UST: variants seen among roughly 807,000 people sequenced by gnomAD.
UST encodes the protein uronyl 2-sulfotransferase.
A neutral mutation model predicts 45.6 loss-of-function variants in UST; 21 were observed. That is an observed-to-expected ratio of 0.46 (90% CI 0.33 to 0.66). The LOEUF (loss-of-function observed/expected upper bound fraction) is 0.66, where lower values mean the gene tolerates loss of function less well. Ranked by LOEUF, UST falls within the 30% of genes least tolerant of loss-of-function variation. The probability of loss-of-function intolerance (pLI) is 0.02; values close to 1 mark genes in which losing one functional copy is unlikely to be tolerated. For missense variants in UST, 463 were observed against 512.4 expected, an observed-to-expected ratio of 0.90 and a Z score of 0.93; for synonymous variants, 215 against 200.6, an observed-to-expected ratio of 1.07 and a Z score of -0.61.
intron 5 of UST, among the ~76,000 whole-genome samples, chr6:148,997,047 G>A (rs1385612057): frequency 6.6e-6 from 1 of 152,216 alleles, no homozygotes; most frequent in East Asian, 1.9e-4. Context: ...CCAGTAGGAA[G>A]GCTTGCAGCC....
intron 1 of UST, among the ~76,000 whole-genome samples, chr6:148,829,183 ATGG>A (rs1777635073): frequency 6.6e-6 from 1 of 151,482 alleles, no homozygotes; most frequent in South Asian, 2.1e-4. Flanking sequence ...GGATGGATGG[ATGG>A]ATGGATTTTA....
intron 7 of UST, among the ~76,000 whole-genome samples, chr6:149,058,345 ATGTGTGTGTGTGTG>A (rs56994081): frequency 1.1e-3 from 130 of 119,818 alleles, no homozygotes; most frequent in African/African-American, 3.5e-3. Flanking sequence ...AAGGAGGAGC[ATGTGTGTGTGTGTG>A]TGTGTGTGTG....
intron 5 of UST, among the ~76,000 whole-genome samples, chr6:149,013,539 G>GA (rs917558087): frequency 1.3e-5 from 2 of 150,970 alleles, no homozygotes; most frequent in East Asian, 1.9e-4. Flanking sequence ...AAAAAAAAGA[G>GA]AAAAAAAAAG....
intron 3 of UST, among the ~76,000 whole-genome samples, chr6:148,943,075 G>A (rs1780161017): frequency 6.6e-6 from 1 of 152,152 alleles, no homozygotes. Flanking sequence ...GAGCTAATGT[G>A]ATTAGGCTGG....
intron 7 of UST, among the ~76,000 whole-genome samples, chr6:149,022,176 G>A (rs771920331): frequency 2.6e-5 from 4 of 152,134 alleles, no homozygotes; most frequent in African/African-American, 2.4e-5. Flanking sequence ...GACAAACAAC[G>A]TTGTTTGTTT....
At chr6:148,990,221 T>C (rs1291795688) in intron 5 of UST, among the ~76,000 whole-genome samples, 2 of 152,226 alleles carry the variant, frequency 1.3e-5, no homozygotes, top group African/African-American at 4.8e-5. Context: ...AATATTTATT[T>C]GGTGTGGCAG....
At chr6:148,915,968 A>AAGGTTTGCCCAAGAAGAAGCAGGACTCC (rs1292074425) in intron 2 of UST, among the ~76,000 whole-genome samples, 4 of 152,056 alleles carry the variant, frequency 2.6e-5, no homozygotes, top group Non-Finnish European at 4.4e-5. Context: ...ATAAAGAAAC[A>AAGGTTTGCCCAAGAAGAAGCAGGACTCC]TGAAACAAAT....
chr6:148,870,218 G>A (rs912082076), intron 1 of UST, among the ~76,000 whole-genome samples: 1 of 151,956 alleles, frequency 6.6e-6, no homozygotes, highest in African/African-American at 2.4e-5. Flanking sequence ...CCCAGTCCGA[G>A]CCCAGCTCTG....
At chr6:148,921,523 T>C (rs1402483783) in intron 2 of UST, among the ~76,000 whole-genome samples, 2 of 152,186 alleles carry the variant, frequency 1.3e-5, no homozygotes, top group Non-Finnish European at 2.9e-5. Flanking sequence ...ACAAAAACTC[T>C]ACCTCTCCAG....
At chr6:149,005,722 C>A in intron 5 of UST, 1 of 662,562 alleles carries the variant, frequency 1.5e-6, no homozygotes, top group Non-Finnish European at 1.9e-6. Context: ...TTTATTTATT[C>A]TTCTGTGTGC....
chr6:148,799,962 A>G (rs1405689188), intron 1 of UST, among the ~76,000 whole-genome samples: 3 of 152,178 alleles, frequency 2.0e-5, no homozygotes, highest in Non-Finnish European at 4.4e-5. Context: ...ATAAATATCA[A>G]TGCTATTAAA....
At chr6:149,021,098 T>C (rs1028884036) in intron 6 of UST, among the ~76,000 whole-genome samples, 1 of 152,058 alleles carries the variant, frequency 6.6e-6, no homozygotes, top group Non-Finnish European at 1.5e-5. Flanking sequence ...GGGCTTGGCA[T>C]GAAGCATGGA....
At chr6:148,905,164 G>T (rs1310505668) in intron 2 of UST, among the ~76,000 whole-genome samples, 5 of 152,166 alleles carry the variant, frequency 3.3e-5, no homozygotes, top group African/African-American at 1.2e-4. Context: ...GAGCCATAAG[G>T]TGCTGGCTTC....
At chr6:148,964,809 A>C in intron 5 of UST, 1 of 519,078 alleles carries the variant, frequency 1.9e-6, no homozygotes, top group South Asian at 2.3e-5. Context: ...CTTTAGTGCT[A>C]GGTTTTGGGA....
intron 7 of UST, among the ~76,000 whole-genome samples, chr6:149,029,866 TTGTG>T (rs3074362): frequency 0.096 from 13,449 of 140,630 alleles, 1,079 homozygotes; most frequent in African/African-American, 0.24. Context: ...GCACTGGATC[TTGTG>T]TGTGTGTGTG....
intron 1 of UST, among the ~76,000 whole-genome samples, chr6:148,772,952 G>A (rs961971805): frequency 4.0e-5 from 6 of 151,742 alleles, no homozygotes; most frequent in Non-Finnish European, 5.9e-5. Context: ...ATTTTTTTGC[G>A]AACCTCTTTT....
chr6:148,998,003 T>C (rs1223174618), intron 5 of UST, among the ~76,000 whole-genome samples: 1 of 152,288 alleles, frequency 6.6e-6, no homozygotes, highest in East Asian at 1.9e-4. Flanking sequence ...AGTGTGACTT[T>C]TGTGGTTTGT....
chr6:148,786,762 G>A (rs761940461), intron 1 of UST, among the ~76,000 whole-genome samples: 1 of 152,176 alleles, frequency 6.6e-6, no homozygotes, highest in Non-Finnish European at 1.5e-5. Flanking sequence ...CCAGTAATAC[G>A]ATTGCTGGGT....
chr6:148,917,570 GA>G (rs1258108685), intron 2 of UST, among the ~76,000 whole-genome samples: 13 of 152,336 alleles, frequency 8.5e-5, no homozygotes, highest in African/African-American at 2.6e-4. Context: ...CTGGGGGTCT[GA>G]ATTTTTAACC....
Sources: allele counts gnomAD v4.1 joint callset (sites outside exome capture counted in the v4.1 genomes callset), GRCh38; gene constraint gnomAD v4.1.1; transcripts MANE v1.5; gene names NCBI Gene and HGNC (gene_info 2026-07-23, HGNC 2026-07-21).